CNTN4: variants seen among roughly 807,000 people sequenced by gnomAD.
CNTN4 encodes the protein contactin 4.
A neutral mutation model predicts 122.5 loss-of-function variants in CNTN4; 77 were observed. The observed-to-expected ratio is 0.63, with a 90% CI of 0.52 to 0.76. The LOEUF (loss-of-function observed/expected upper bound fraction) is 0.76. Among genes scored for constraint, CNTN4 ranks in the 30% least tolerant of loss-of-function variants. The probability of loss-of-function intolerance (pLI) is 0.00; values close to 1 mark genes in which losing one functional copy is unlikely to be tolerated. For missense variants in CNTN4, 1,256 were observed against 1,259.1 expected, an observed-to-expected ratio of 1.00 and a Z score of 0.04; for synonymous variants, 512 against 447.0, an observed-to-expected ratio of 1.15 and a Z score of -1.83.
chr3:2,379,886 C>T (rs1384999737), intron 3 of CNTN4, among the ~76,000 whole-genome samples: 1 of 151,946 alleles, frequency 6.6e-6, no homozygotes, highest in East Asian at 1.9e-4. Flanking sequence ...GAAACCCCAT[C>T]TCTAGGAAAA....
At chr3:2,386,029 C>G (rs994498042) in intron 3 of CNTN4, among the ~76,000 whole-genome samples, 5 of 151,974 alleles carry the variant, frequency 3.3e-5, no homozygotes, top group African/African-American at 4.8e-5. Context: ...CTTACTATAC[C>G]TTGCACACAC....
chr3:2,105,774 T>G (rs1275700455), intron 2 of CNTN4, among the ~76,000 whole-genome samples: 1 of 152,136 alleles, frequency 6.6e-6, no homozygotes, highest in African/African-American at 2.4e-5. Flanking sequence ...CAACATGCCT[T>G]CCCAACAGTC....
At chr3:2,239,526 T>C (rs1401840658) in intron 2 of CNTN4, among the ~76,000 whole-genome samples, 1 of 152,154 alleles carries the variant, frequency 6.6e-6, no homozygotes, top group Non-Finnish European at 1.5e-5. Flanking sequence ...GATCTTGCTC[T>C]TACAAGCTTT....
chr3:2,961,174 G>A (rs1011745739), intron 13 of CNTN4, among the ~76,000 whole-genome samples: 5 of 134,046 alleles, frequency 3.7e-5, no homozygotes, highest in African/African-American at 1.1e-4. Context: ...AGCTTGCAGT[G>A]AGCCGAGATT....
intron 3 of CNTN4, among the ~76,000 whole-genome samples, chr3:2,422,310 A>C (rs931513762): frequency 1.3e-5 from 2 of 152,192 alleles, no homozygotes; most frequent in African/African-American, 2.4e-5. Context: ...GAAACACAGT[A>C]GTAGTTCAGG....
intron 4 of CNTN4, among the ~76,000 whole-genome samples, chr3:2,638,020 T>C (rs1192935907): frequency 6.6e-6 from 1 of 152,202 alleles, no homozygotes; most frequent in Non-Finnish European, 1.5e-5. Flanking sequence ...ACCTCTACAA[T>C]AGAGGTAGAT....
intron 14 of CNTN4, among the ~76,000 whole-genome samples, chr3:2,996,098 A>G (rs1349750673): frequency 6.6e-6 from 1 of 152,150 alleles, no homozygotes; most frequent in Non-Finnish European, 1.5e-5. Flanking sequence ...GCCCTAACTC[A>G]GTATTTGGAG....
chr3:2,139,081 C>T (rs2034853509), intron 2 of CNTN4, among the ~76,000 whole-genome samples: 1 of 152,124 alleles, frequency 6.6e-6, no homozygotes, highest in African/African-American at 2.4e-5. Context: ...ATGTGGCCTT[C>T]TGAGTACTGG....
chr3:2,591,717 G>A (rs1576132124), intron 4 of CNTN4, among the ~76,000 whole-genome samples: 1 of 152,070 alleles, frequency 6.6e-6, no homozygotes, highest in African/African-American at 2.4e-5. Context: ...AAAAAAATAT[G>A]AGGTGAATTT....
intron 3 of CNTN4, among the ~76,000 whole-genome samples, chr3:2,503,385 C>A (rs918981422): frequency 6.6e-6 from 1 of 152,134 alleles, no homozygotes; most frequent in East Asian, 1.9e-4. Flanking sequence ...TGTCTATGTT[C>A]GAAAATTTTA....
chr3:2,200,927 A>C (rs905509217), intron 2 of CNTN4, among the ~76,000 whole-genome samples: 1 of 152,154 alleles, frequency 6.6e-6, no homozygotes, highest in Non-Finnish European at 1.5e-5. Context: ...TTGTGGTAGA[A>C]AGTCTGGTTA....
intron 3 of CNTN4, among the ~76,000 whole-genome samples, chr3:2,356,112 T>G (rs1214522263): frequency 6.6e-6 from 1 of 152,140 alleles, no homozygotes; most frequent in Non-Finnish European, 1.5e-5. Flanking sequence ...CATTTCTAGC[T>G]ATTGGTGGGG....
intron 13 of CNTN4, among the ~76,000 whole-genome samples, chr3:2,933,282 C>T (rs969811683): frequency 6.6e-6 from 1 of 152,136 alleles, no homozygotes; most frequent in African/African-American, 2.4e-5. Context: ...GGAAGATAAG[C>T]TGGTAATTGA....
At chr3:2,705,764 T>TATG (rs2086662789) in intron 4 of CNTN4, among the ~76,000 whole-genome samples, 1 of 102,346 alleles carries the variant, frequency 9.8e-6, no homozygotes, top group Non-Finnish European at 1.7e-5. Flanking sequence ...ATATATAATA[T>TATG]ATATTTATTA....
At chr3:2,682,280 C>T (rs937359950) in intron 4 of CNTN4, among the ~76,000 whole-genome samples, 1 of 152,192 alleles carries the variant, frequency 6.6e-6, no homozygotes, top group African/African-American at 2.4e-5. Context: ...GCGGTTCTGT[C>T]AACCTTTTCT....
intron 2 of CNTN4, among the ~76,000 whole-genome samples, chr3:2,316,237 A>G (rs779097985): frequency 6.6e-6 from 1 of 152,084 alleles, no homozygotes; most frequent in Non-Finnish European, 1.5e-5. Context: ...ACTCTAGCAG[A>G]TAGAGTCTTT....
chr3:2,208,075 A>C (rs914889243), intron 2 of CNTN4, among the ~76,000 whole-genome samples: 2 of 152,158 alleles, frequency 1.3e-5, no homozygotes, highest in African/African-American at 4.8e-5. Context: ...ATCAAGGAGT[A>C]ATTCTGACTT....
At chr3:2,639,318 T>G (rs2082801077) in intron 4 of CNTN4, among the ~76,000 whole-genome samples, 1 of 152,180 alleles carries the variant, frequency 6.6e-6, no homozygotes, top group Non-Finnish European at 1.5e-5. Flanking sequence ...CTGCCCCACC[T>G]GTTAACATGC....
At chr3:2,305,240 T>C (rs779595979) in intron 2 of CNTN4, among the ~76,000 whole-genome samples, 8 of 152,260 alleles carry the variant, frequency 5.3e-5, no homozygotes, top group South Asian at 2.1e-4. Flanking sequence ...TGGCAGTAAG[T>C]AGCTTTCTTA....
Sources: gnomAD v4.1 joint callset for allele counts (sites outside exome capture counted in the v4.1 genomes callset) on GRCh38, gnomAD v4.1.1 for gene constraint, MANE v1.5 for transcripts, NCBI Gene and HGNC (gene_info 2026-07-23, HGNC 2026-07-21) for gene names.